The following KCNH8 variants were observed in gnomAD, a reference collection of about 807,000 sequenced individuals.
KCNH8 encodes the protein voltage-gated delayed rectifier potassium channel KCNH8.
A neutral mutation model predicts 103.6 loss-of-function variants in KCNH8; 70 were observed. The ratio of observed to expected loss-of-function variants is 0.68; its 90% confidence interval spans 0.56 to 0.82. The LOEUF is 0.82. KCNH8 is among the 40% of genes least tolerant of loss of function. The pLI is 0.00. For synonymous variants in KCNH8, 498 were observed against 489.4 expected, an observed-to-expected ratio of 1.02 and a Z score of -0.23; for missense variants, 1,217 against 1,329.9, an observed-to-expected ratio of 0.92 and a Z score of 1.32.
At chr3:19,501,774 C>T (rs1575148898) in intron 11 of KCNH8, among the ~76,000 whole-genome samples, 2 of 152,006 alleles carry the variant, frequency 1.3e-5, no homozygotes, top group East Asian at 1.9e-4. Flanking sequence ...TGTGACGTAT[C>T]TCAAAATAAT....
At chr3:19,399,247 T>C (rs13072922) in intron 7 of KCNH8, among the ~76,000 whole-genome samples, 38,622 of 151,824 alleles carry the variant, frequency 0.25, 5,316 homozygotes, top group Middle Eastern at 0.35. Context: ...AAGAAATGTT[T>C]CAGAAGGATC....
intron 9 of KCNH8, 27 bp from the exon 10 acceptor site, chr3:19,451,128 G>C (rs1195724197): frequency 3.7e-6 from 6 of 1,611,482 alleles, no homozygotes; most frequent in Non-Finnish European, 5.1e-6. Context: ...ACCCCAATTT[G>C]ATTTCCTCCT....
chr3:19,346,572 A>G (rs2065732481), intron 4 of KCNH8: 1 of 455,490 alleles, frequency 2.2e-6, no homozygotes, highest in African/African-American at 2.0e-5. Flanking sequence ...ATATTAAGGT[A>G]GCAGAACTAT....
chr3:19,451,019 C>A, intron 9 of KCNH8, 136 bp from the exon 10 acceptor site: 1 of 781,022 alleles, frequency 1.3e-6, no homozygotes, highest in Non-Finnish European at 2.1e-6. Flanking sequence ...ATTATACATA[C>A]TTAGATTTCC....
intron 1 of KCNH8, among the ~76,000 whole-genome samples, chr3:19,234,071 T>C (rs1337807220): frequency 6.6e-6 from 1 of 152,182 alleles, no homozygotes. Context: ...AGCCTGCTTT[T>C]ATTCTCTTAT....
intron 2 of KCNH8, among the ~76,000 whole-genome samples, chr3:19,264,046 A>C (rs1355187419): frequency 6.6e-5 from 10 of 152,064 alleles, no homozygotes; most frequent in Admixed American, 6.6e-4. Context: ...GAGACTTTGC[A>C]TGCCCTCAAA....
At chr3:19,210,277 C>T (rs1252146216) in intron 1 of KCNH8, among the ~76,000 whole-genome samples, 2 of 151,800 alleles carry the variant, frequency 1.3e-5, no homozygotes, top group African/African-American at 4.8e-5. Context: ...TGTTTTTTTT[C>T]TTTCTTCTAC....
chr3:19,423,890 T>C (rs1193274911), intron 7 of KCNH8, among the ~76,000 whole-genome samples: 1 of 152,152 alleles, frequency 6.6e-6, no homozygotes, highest in Non-Finnish European at 1.5e-5. Flanking sequence ...CTAGTTTACA[T>C]TCCCACCAGC....
At chr3:19,431,212 A>G (rs2067116373) in intron 7 of KCNH8, among the ~76,000 whole-genome samples, 3 of 152,208 alleles carry the variant, frequency 2.0e-5, no homozygotes, top group South Asian at 2.1e-4. Flanking sequence ...GATATTTATC[A>G]AAAGACTTCT....
chr3:19,505,165 G>A (rs2068668176), intron 11 of KCNH8, among the ~76,000 whole-genome samples: 1 of 151,864 alleles, frequency 6.6e-6, no homozygotes, highest in Admixed American at 6.6e-5. Context: ...GAACATGGAT[G>A]GAGCTGGAGG....
At chr3:19,237,434 C>T (rs2064080504) in intron 1 of KCNH8, among the ~76,000 whole-genome samples, 1 of 152,194 alleles carries the variant, frequency 6.6e-6, no homozygotes, top group African/African-American at 2.4e-5. Context: ...TGTGGCAGCC[C>T]TGGTGGTTGT....
intron 5 of KCNH8, among the ~76,000 whole-genome samples, chr3:19,350,313 C>A (rs2065782746): frequency 6.6e-6 from 1 of 152,010 alleles, no homozygotes; most frequent in Non-Finnish European, 1.5e-5. Flanking sequence ...AGTGTTCATA[C>A]CATTTAATAT....
intron 5 of KCNH8, among the ~76,000 whole-genome samples, chr3:19,371,878 C>T (rs1214051836): frequency 6.6e-6 from 1 of 150,380 alleles, no homozygotes; most frequent in Non-Finnish European, 1.5e-5. Flanking sequence ...AATCCTTTCC[C>T]CATTGCTTGT....
intron 7 of KCNH8, among the ~76,000 whole-genome samples, chr3:19,405,281 A>G (rs143418662): frequency 1.3e-4 from 20 of 151,802 alleles, no homozygotes; most frequent in African/African-American, 3.6e-4. Flanking sequence ...AATGGGATCT[A>G]TTTTTCATTG....
At chr3:19,278,498 AAGGG>A (rs367867427) in intron 2 of KCNH8, among the ~76,000 whole-genome samples, 2,118 of 106,102 alleles carry the variant, frequency 0.02, 53 homozygotes, top group East Asian at 0.078. Context: ...GGAAATGAGG[AAGGG>A]AGGGAGGGAG....
intron 11 of KCNH8, among the ~76,000 whole-genome samples, chr3:19,510,001 G>A (rs80293424): frequency 0.014 from 272 of 20,054 alleles, 1 homozygote; most frequent in African/African-American, 0.11. Context: ...GGAGATAGAG[G>A]AAAAAAAAAA....
intron 3 of KCNH8, among the ~76,000 whole-genome samples, chr3:19,316,967 C>T (rs2065282919): frequency 6.6e-6 from 1 of 151,796 alleles, no homozygotes; most frequent in Non-Finnish European, 1.5e-5. Flanking sequence ...ACAGAGTCAG[C>T]ATGTTTTCAT....
intron 5 of KCNH8, among the ~76,000 whole-genome samples, chr3:19,374,049 T>C (rs1487955472): frequency 6.6e-6 from 1 of 152,164 alleles, no homozygotes; most frequent in Non-Finnish European, 1.5e-5. Flanking sequence ...AATTTTGGAA[T>C]AGGTGTGGTG....
chr3:19,332,148 C>T (rs1418783736), intron 3 of KCNH8, among the ~76,000 whole-genome samples: 1 of 151,356 alleles, frequency 6.6e-6, no homozygotes, highest in African/African-American at 2.4e-5. Context: ...TTCAGGTTCA[C>T]TTACAGTTCT....
Sources: gnomAD v4.1 joint callset for allele counts (sites outside exome capture counted in the v4.1 genomes callset) on GRCh38, gnomAD v4.1.1 for gene constraint, MANE v1.5 for transcripts, NCBI Gene and HGNC (gene_info 2026-07-23, HGNC 2026-07-21) for gene names.